TXNDC16: variants seen among roughly 807,000 people sequenced by gnomAD.
TXNDC16 encodes thioredoxin domain containing 16, also known as thioredoxin domain-containing protein 16.
Under a neutral mutation model 85.6 loss-of-function variants are expected in TXNDC16, and 74 were observed. The observed-to-expected ratio is 0.86, with a 90% CI of 0.72 to 1.05. The LOEUF (loss-of-function observed/expected upper bound fraction) is 1.05. Ranked by LOEUF, TXNDC16 falls within the 50% of genes least tolerant of loss-of-function variation. TXNDC16 has a pLI of 0.00. For missense variants in TXNDC16, 959 were observed against 947.0 expected (o/e 1.01, Z -0.17); for synonymous variants, 335 against 326.5 (o/e 1.03, Z -0.28).
chr14:52,483,208 A>T (rs960379699), intron 12 of TXNDC16, among the ~76,000 whole-genome samples: 1 of 152,168 alleles, frequency 6.6e-6, no homozygotes, highest in Non-Finnish European at 1.5e-5. Flanking sequence ...TGTTCTACAA[A>T]GAATATTAAT....
At chr14:52,473,121 T>G (rs541466417) in intron 14 of TXNDC16, among the ~76,000 whole-genome samples, 2 of 152,244 alleles carry the variant, frequency 1.3e-5, no homozygotes, top group Non-Finnish European at 2.9e-5. Context: ...CAAACTAGAC[T>G]ATAAAACTCG....
chr14:52,450,853 TTATATATATA>T (rs71125107), intron 18 of TXNDC16, among the ~76,000 whole-genome samples: 2,009 of 145,108 alleles, frequency 0.014, 57 homozygotes, highest in East Asian at 0.09. Flanking sequence ...AAAATGTGTT[TTATATATATA>T]TATATATATA....
chr14:52,482,783 GT>G (rs2036178648), intron 13 of TXNDC16, 38 bp downstream of exon 13: 2 of 1,533,282 alleles, frequency 1.3e-6, no homozygotes, highest in African/African-American at 1.4e-5. Flanking sequence ...GTTTTTAAAT[GT>G]CCTAATATGT....
rs543182196 is a variant in TXNDC16, at chr14:52,488,747, T to C, written c.985-261A>G. Among the ~76,000 whole-genome samples, 7 of 143,870 alleles carry C rather than the reference T, an allele frequency of 4.9e-5. No homozygotes were observed. The South Asian group carries it at 1.5e-3, about 32-fold the overall frequency. 94.4% of individuals were successfully genotyped at this position (143,870 alleles called of 152,430 possible). On this transcript the variant is annotated intron_variant, in intron 11 of 20. Coordinates refer to ENST00000281741, the MANE Select transcript of TXNDC16 (RefSeq NM_020784.3). Reference sequence around the variant, plus strand: ...TACTTGGGAGGCTGAAACAGGAGAATCGTCTGAACCCAGGAGGCAGAGGTT... The same window carrying C: ...TACTTGGGAGGCTGAAACAGGAGAACCGTCTGAACCCAGGAGGCAGAGGTT...
intron 9 of TXNDC16, 66 bp from the exon 10 acceptor site, chr14:52,491,071 C>T: frequency 6.7e-7 from 1 of 1,489,376 alleles, no homozygotes; most frequent in Non-Finnish European, 8.9e-7. Flanking sequence ...TTTAAATTCT[C>T]CTAATTCTTA....
chr14:52,523,712 T>A (rs1041316911), intron 6 of TXNDC16, among the ~76,000 whole-genome samples: 16 of 152,330 alleles, frequency 1.1e-4, no homozygotes, highest in Admixed American at 9.8e-4. Flanking sequence ...TCATTCTTAG[T>A]CTTTTGTCAT....
At chr14:52,506,576 G>A (rs2140175938) in intron 9 of TXNDC16, among the ~76,000 whole-genome samples, 1 of 110,802 alleles carries the variant, frequency 9.0e-6, no homozygotes, top group East Asian at 3.2e-4. Flanking sequence ...TTGAGACGGA[G>A]TCTCGCTCTG....
At chr14:52,508,848 A>G (rs1354704027) in intron 9 of TXNDC16, among the ~76,000 whole-genome samples, 1 of 151,728 alleles carries the variant, frequency 6.6e-6, no homozygotes, top group Non-Finnish European at 1.5e-5. Context: ...GTTCTTACTT[A>G]TTGACAAAAG....
intron 9 of TXNDC16, among the ~76,000 whole-genome samples, chr14:52,505,951 A>G (rs1211637060): frequency 2.0e-5 from 3 of 152,216 alleles, no homozygotes; most frequent in Admixed American, 6.5e-5. Flanking sequence ...ACACCTCTAC[A>G]CAAATAAACT....
chr14:52,538,631 AG>A (rs1254881712), intron 4 of TXNDC16, among the ~76,000 whole-genome samples: 1 of 152,170 alleles, frequency 6.6e-6, no homozygotes, highest in African/African-American at 2.4e-5. Context: ...ATTGAGATAG[AG>A]GAAGAGAGGA....
chr14:52,537,694 T>G (rs1271794576), intron 4 of TXNDC16, 22 bp from the exon 5 acceptor site: 1 of 1,388,712 alleles, frequency 7.2e-7, no homozygotes, highest in Non-Finnish European at 1.0e-6. Context: ...TATACTTAAG[T>G]TTTAGCATAT....
rs760811900 is a variant in TXNDC16, at chr14:52,439,358, T to G, written c.2040A>C (p.Ala680=). Residue 680 remains alanine (A), a synonymous_variant, in exon 20 of 21, where the codon GCA becomes GCC. Transcript: ENST00000281741. ...NTPVGRGILR[A]YFDPLPPLPL... is the part of the protein sequence containing the mutation. ...GAAGGGGAGGCAGAGGATCAAAATA[T>G]GCCCTCAAGATTCCTCTCCCCACTG... 6.2e-7 allele frequency: 1 copy of G among 1,613,918 alleles called. No homozygotes were observed. The highest frequency in any genetic ancestry group is 1.1e-5 in the South Asian group (1 of 91,056).
At chr14:52,534,034 G>A (rs2037644388) in intron 6 of TXNDC16, among the ~76,000 whole-genome samples, 1 of 152,136 alleles carries the variant, frequency 6.6e-6, no homozygotes, top group Admixed American at 6.5e-5. Flanking sequence ...GTGTGGTATG[G>A]TGAGGGCAGC....
At chr14:52,536,562 C>A (rs2037705074) in intron 6 of TXNDC16, among the ~76,000 whole-genome samples, 157 bp downstream of exon 6, 1 of 152,112 alleles carries the variant, frequency 6.6e-6, no homozygotes, top group South Asian at 2.1e-4. Context: ...TTTTTTAGAT[C>A]CTCGATGTGG....
In TXNDC16 at chr14:52,496,548, G is replaced by A. The variant is rs541276704; in HGVS notation, c.757-5543C>T. ...GCTATTTCTGTCTCTTACCATACAA[G>A]TTGGTATAATTCTTTTAAAATCTTG... On this transcript the variant is annotated intron_variant, in intron 9 of 20. Coordinates refer to ENST00000281741, the MANE Select transcript of TXNDC16 (RefSeq NM_020784.3). 2.7e-5 allele frequency among the ~76,000 whole-genome samples: 4 copies of A among 150,562 alleles called. No homozygotes were observed. The South Asian group carries it at 6.3e-4, about 24-fold the overall frequency.
chr14:52,462,491 T>C (rs1165715906), intron 16 of TXNDC16, among the ~76,000 whole-genome samples: 2 of 152,190 alleles, frequency 1.3e-5, no homozygotes, highest in Non-Finnish European at 2.9e-5. Context: ...ATTTTTGTAT[T>C]TTTAGTAGAG....
At chr14:52,447,405 G>A (rs2035310468) in intron 18 of TXNDC16, among the ~76,000 whole-genome samples, 1 of 152,138 alleles carries the variant, frequency 6.6e-6, no homozygotes, top group Admixed American at 6.5e-5. Flanking sequence ...AGAGCCCCAG[G>A]GCCTTAAGTG....
At chr14:52,486,536 G>A (rs532877498) in intron 12 of TXNDC16, among the ~76,000 whole-genome samples, 8 of 152,100 alleles carry the variant, frequency 5.3e-5, no homozygotes, top group Admixed American at 2.0e-4. Flanking sequence ...TTGCCCTTCT[G>A]TGGAATCTAG....
At position 52,543,638 on chromosome 14, in the gene TXNDC16, A is replaced by G. The variant is rs2037882422; in HGVS notation, c.-73-8T>C. On this transcript the variant is annotated splice_polypyrimidine_tract_variant and splice_region_variant and intron_variant, in intron 2 of 20. Coordinates refer to ENST00000281741, the MANE Select transcript of TXNDC16 (RefSeq NM_020784.3). ...TGTTTCCTAAGACAACACCTGGCAC[A>G]GAGAAGGTATTCAACAAGAGTTTGT... 6.8e-7 allele frequency: 1 copy of G among 1,480,190 alleles called. No homozygotes were observed. Among genetic ancestry groups the G allele is most frequent in the Non-Finnish European group, 9.2e-7 (1 of 1,089,402 alleles). The allele number at this position is 1,480,190 out of a possible 1,614,324, so 91.7% of individuals were successfully genotyped here. A position where few individuals can be genotyped will look rare whatever the true frequency, so the allele number is the denominator to read the frequency against.
Sources: allele counts gnomAD v4.1 joint callset (sites outside exome capture counted in the v4.1 genomes callset), GRCh38; gene constraint gnomAD v4.1.1; transcripts MANE v1.5; gene names NCBI Gene and HGNC (gene_info 2026-07-23, HGNC 2026-07-21).